CLASP1: variants seen among roughly 807,000 people sequenced by gnomAD.
CLASP1 encodes cytoplasmic linker associated protein 1, also known as CLIP-associating protein 1.
CLASP1 carries 38 observed loss-of-function variants against 192.3 expected under a neutral mutation model. That is an observed-to-expected ratio of 0.20 (90% CI 0.15 to 0.26). The LOEUF (loss-of-function observed/expected upper bound fraction) is 0.26. CLASP1 is among the 10% of genes least tolerant of loss of function. CLASP1 has a pLI of 1.00. For missense variants in CLASP1, 1,433 were observed against 1,932.5 expected (o/e 0.74, Z 4.85); for synonymous variants, 691 against 712.8 (o/e 0.97, Z 0.49).
At position 121,596,461 on chromosome 2, in the gene CLASP1, G is replaced by A. The variant is rs75158708; in HGVS notation, c.195+9240C>T. 8.6e-3 allele frequency among the ~76,000 whole-genome samples: 1,315 copies of A among 152,298 alleles called. 19 individuals are homozygous for A. The highest frequency in any genetic ancestry group is 0.03 in the African/African-American group (1,251 of 41,554). On this transcript the variant is annotated intron_variant, in intron 2 of 39. Transcript: ENST00000263710. Reference sequence around the variant, plus strand: ...TGGCTCTCCTCTCAAGGACACAAGCGGGAAAATAAAAACCTCGATGAAAGC... The same window carrying A: ...TGGCTCTCCTCTCAAGGACACAAGCAGGAAAATAAAAACCTCGATGAAAGC...
intron 8 of CLASP1, among the ~76,000 whole-genome samples, chr2:121,491,008 G>A (rs950713040): frequency 6.6e-6 from 1 of 152,198 alleles, no homozygotes; most frequent in Non-Finnish European, 1.5e-5. Flanking sequence ...TTAAATGAAT[G>A]CTTTGTCCTA....
intron 19 of CLASP1, among the ~76,000 whole-genome samples, chr2:121,431,714 T>C (rs999718709): frequency 1.3e-4 from 20 of 152,058 alleles, no homozygotes; most frequent in African/African-American, 4.3e-4. Flanking sequence ...TTTGGTAACA[T>C]GATCCTAAAC....
intron 8 of CLASP1, among the ~76,000 whole-genome samples, chr2:121,479,056 C>A (rs4848709): frequency 0.73 from 73,953 of 101,192 alleles, 28,655 homozygotes; most frequent in Middle Eastern, 0.82. Flanking sequence ...CACCCCCCCC[C>A]CACACACACA....
At chr2:121,531,094 T>C (rs540477004) in intron 2 of CLASP1, 2 of 654,184 alleles carry the variant, frequency 3.1e-6, no homozygotes, top group Admixed American at 2.2e-5. Flanking sequence ...CAGTAGAGGG[T>C]GCACAAGACG....
chr2:121,583,776 C>T (rs756902463), intron 2 of CLASP1, among the ~76,000 whole-genome samples: 1 of 152,130 alleles, frequency 6.6e-6, no homozygotes, highest in Non-Finnish European at 1.5e-5. Flanking sequence ...GTTGAAACTG[C>T]AACTTAGTGT....
At chr2:121,378,441 T>C (rs1200292575) in intron 33 of CLASP1, among the ~76,000 whole-genome samples, 1 of 152,118 alleles carries the variant, frequency 6.6e-6, no homozygotes, top group African/African-American at 2.4e-5. Flanking sequence ...AAACATGAAA[T>C]GAAGCAAAAA....
At chr2:121,382,408 G>A in intron 32 of CLASP1, 84 bp from the exon 34 acceptor site, 1 of 768,216 alleles carries the variant, frequency 1.3e-6, no homozygotes, top group Non-Finnish European at 2.1e-6. Flanking sequence ...CACACTAAGT[G>A]TCTTAGTCTC....
intron 9 of CLASP1, among the ~76,000 whole-genome samples, chr2:121,465,692 C>T (rs374067086): frequency 1.3e-5 from 2 of 152,040 alleles, no homozygotes; most frequent in African/African-American, 2.4e-5. Flanking sequence ...TATGGAACCA[C>T]AAAAGAGCCC....
chr2:121,649,063 G>A (rs2073727818), intron 1 of CLASP1, among the ~76,000 whole-genome samples: 1 of 152,208 alleles, frequency 6.6e-6, no homozygotes, highest in Non-Finnish European at 1.5e-5. Context: ...TAGGAAGGGG[G>A]CCCGGGTGGG....
At chr2:121,574,802 TG>T (rs2060341078) in intron 2 of CLASP1, among the ~76,000 whole-genome samples, 1 of 151,908 alleles carries the variant, frequency 6.6e-6, no homozygotes, top group South Asian at 2.1e-4. Context: ...CTGGGCGTGG[TG>T]GCATGTGCCT....
chr2:121,451,487 TTA>T (rs1185531930), intron 15 of CLASP1, among the ~76,000 whole-genome samples: 1 of 152,204 alleles, frequency 6.6e-6, no homozygotes, highest in Non-Finnish European at 1.5e-5. Context: ...AACAGCAACT[TTA>T]AACTGTTACC....
chr2:121,637,498 T>C (rs1455789340), intron 1 of CLASP1, among the ~76,000 whole-genome samples: 1 of 152,162 alleles, frequency 6.6e-6, no homozygotes. Flanking sequence ...GCTAAAATTA[T>C]AAAATCTTAG....
At position 121,606,185 on chromosome 2, in the gene CLASP1, AAAGT is replaced by A. The variant is rs2064382606; in HGVS notation, c.-285-9_-285-6del. 1 of 460,334 alleles carries A rather than the reference AAAGT, an allele frequency of 2.2e-6. No individual in the cohort carries two copies. The highest frequency in any genetic ancestry group is 3.8e-6 in the Non-Finnish European group (1 of 261,948). 28.5% of individuals were successfully genotyped at this position (460,334 alleles called of 1,614,324 possible). ...TTCATAATTCAGCAGTCCATTCTGA[AAAGT>A]AAGAGAAGAGAACGACAAATTAGCA... On this transcript the variant is annotated splice_polypyrimidine_tract_variant and splice_region_variant and intron_variant, in intron 1 of 39. Coordinates refer to ENST00000263710, the Ensembl canonical transcript of CLASP1.
chr2:121,600,580 T>C (rs1194943179), intron 2 of CLASP1, among the ~76,000 whole-genome samples: 3 of 152,242 alleles, frequency 2.0e-5, no homozygotes, highest in Non-Finnish European at 4.4e-5. Context: ...TCAATTCCTT[T>C]AGGCAGTGTT....
intron 20 of CLASP1, 67 bp downstream of exon 20, chr2:121,430,006 T>G: frequency 8.3e-7 from 1 of 1,211,222 alleles, no homozygotes; most frequent in East Asian, 2.6e-5. Context: ...GATTGTAAAA[T>G]GTTCAACTGC....
Position 121,510,954 on chromosome 2 carries a change from A to T in CLASP1, c.644+4711T>A, listed in dbSNP as rs1267577948. ...GAAGCAAAGACCCAGGATGACAAAGAGGTGTCAGGATGATGGGTTTGCAAG... is the reference window on the plus strand; with the variant it reads ...GAAGCAAAGACCCAGGATGACAAAGTGGTGTCAGGATGATGGGTTTGCAAG... On this transcript the variant is annotated intron_variant, in intron 7 of 39. Coordinates refer to ENST00000263710, the Ensembl canonical transcript of CLASP1. Among the ~76,000 whole-genome samples the T allele has an allele frequency of 3.9e-5, 6 of 152,288 alleles. No homozygotes were observed. In the South Asian group the frequency reaches 8.3e-4, roughly 21 times the overall value.
At chr2:121,469,283 TG>T (rs2090235711) in intron 9 of CLASP1, among the ~76,000 whole-genome samples, 1 of 152,066 alleles carries the variant, frequency 6.6e-6, no homozygotes. Flanking sequence ...CATGGCTCAC[TG>T]GGAACTGGAG....
intron 35 of CLASP1, among the ~76,000 whole-genome samples, chr2:121,366,206 C>T (rs945944017): frequency 6.6e-6 from 1 of 152,124 alleles, no homozygotes; most frequent in Non-Finnish European, 1.5e-5. Context: ...AATTTCTACC[C>T]TAATCAAGAT....
intron 1 of CLASP1, among the ~76,000 whole-genome samples, chr2:121,606,991 G>A (rs1207115413): frequency 6.6e-6 from 1 of 152,160 alleles, no homozygotes; most frequent in African/African-American, 2.4e-5. Context: ...AGGAGGCAGA[G>A]CTTGCAGTGA....
Sources: allele counts gnomAD v4.1 joint callset (sites outside exome capture counted in the v4.1 genomes callset), GRCh38; gene constraint gnomAD v4.1.1; transcripts MANE v1.5; gene names NCBI Gene and HGNC (gene_info 2026-07-23, HGNC 2026-07-21).